Variants in ATG10 observed in about 807,000 individuals in gnomAD.
ATG10 encodes the protein autophagy related 10.
Under a neutral mutation model 32.1 loss-of-function variants are expected in ATG10, and 30 were observed. The observed-to-expected ratio is 0.94, with a 90% CI of 0.70 to 1.27. The LOEUF is 1.27. Ranked by LOEUF, ATG10 falls within the 50% of genes most tolerant of loss-of-function variation. The probability of loss-of-function intolerance (pLI) is 0.00; values close to 1 mark genes in which losing one functional copy is unlikely to be tolerated. For missense variants in ATG10, 233 were observed against 262.3 expected, an observed-to-expected ratio of 0.89 and a Z score of 0.77; for synonymous variants, 87 against 91.5, an observed-to-expected ratio of 0.95 and a Z score of 0.28.
At chr5:82,090,722 A>G (rs562564778) in intron 3 of ATG10, among the ~76,000 whole-genome samples, 1 of 152,306 alleles carries the variant, frequency 6.6e-6, no homozygotes, top group Admixed American at 6.5e-5. Flanking sequence ...TATCAGTGCA[A>G]ATCATCCTTG....
intron 5 of ATG10, among the ~76,000 whole-genome samples, chr5:82,229,630 A>G (rs1320636175): frequency 1.3e-5 from 2 of 152,358 alleles, no homozygotes; most frequent in East Asian, 1.9e-4. Context: ...TGCTATAGCC[A>G]TATTTTATAC....
intron 1 of ATG10, among the ~76,000 whole-genome samples, chr5:81,984,230 G>T (rs1761183682): frequency 6.6e-6 from 1 of 152,274 alleles, no homozygotes; most frequent in Non-Finnish European, 1.5e-5. Context: ...CTGGAGACCA[G>T]CCCGGCCAAC....
intron 1 of ATG10, among the ~76,000 whole-genome samples, chr5:81,974,639 A>G (rs1451015632): frequency 6.6e-6 from 1 of 152,072 alleles, no homozygotes. Flanking sequence ...TGGGGTCTCT[A>G]AGTTGCCCAG....
At chr5:82,011,279 C>T (rs1180789773) in intron 2 of ATG10, among the ~76,000 whole-genome samples, 1 of 152,158 alleles carries the variant, frequency 6.6e-6, no homozygotes, top group Middle Eastern at 3.2e-3. Context: ...TGCCTCAATA[C>T]ATATACTGAA....
intron 5 of ATG10, among the ~76,000 whole-genome samples, chr5:82,244,526 C>T (rs1240960807): frequency 6.6e-6 from 1 of 152,086 alleles, no homozygotes; most frequent in East Asian, 1.9e-4. Flanking sequence ...TTTTCCTTCC[C>T]CTGCTTGAGG....
chr5:82,196,967 A>G (rs775922072), intron 5 of ATG10, among the ~76,000 whole-genome samples: 1 of 152,316 alleles, frequency 6.6e-6, no homozygotes, highest in South Asian at 2.1e-4. Flanking sequence ...CACTGGAGCT[A>G]TACTTCAATT....
At chr5:81,998,612 A>C (rs533085245) in intron 2 of ATG10, among the ~76,000 whole-genome samples, 42 of 152,372 alleles carry the variant, frequency 2.8e-4, no homozygotes, top group African/African-American at 9.9e-4. Flanking sequence ...TAAAGAAGCA[A>C]GACCCAACTG....
At chr5:81,993,509 A>G (rs1000486900) in intron 2 of ATG10, among the ~76,000 whole-genome samples, 2 of 148,804 alleles carry the variant, frequency 1.3e-5, no homozygotes, top group Non-Finnish European at 3.0e-5. Flanking sequence ...GCTCACTGCA[A>G]CCTGTGCCTC....
intron 5 of ATG10, among the ~76,000 whole-genome samples, chr5:82,195,800 T>C (rs560412661): frequency 1.3e-5 from 2 of 152,346 alleles, no homozygotes; most frequent in African/African-American, 2.4e-5. Flanking sequence ...AACATTTTGG[T>C]TGTTTCTACT....
At chr5:82,045,509 C>G (rs1407143639) in intron 2 of ATG10, among the ~76,000 whole-genome samples, 1 of 152,108 alleles carries the variant, frequency 6.6e-6, no homozygotes, top group African/African-American at 2.4e-5. Flanking sequence ...TGCTTCTCCT[C>G]CTTCTGCTGT....
At position 82,164,424 on chromosome 5, in the gene ATG10, A is replaced by C. The variant is rs113989127; in HGVS notation, c.242A>C (p.Asp81Ala). Residue 81 changes from aspartate to alanine, a missense_variant, in exon 4 of 8, where the codon GAT (aspartate) becomes GCT (alanine). Physicochemically the swap from Asp to Ala is moderately radical, Grantham distance 126. Transcript: ENST00000282185. ...GAGGCTTTCGAGCTACCCTTGGATG[A>C]TTGTGAAGTGATTGAAACTGCAGCA... ...MEEAFELPLD[D>A]CEVIETAAAS... is the part of the protein sequence containing the mutation. 4 of 1,613,854 alleles carry C rather than the reference A, an allele frequency of 2.5e-6. No homozygotes were observed. The highest frequency in any genetic ancestry group is 4.5e-5 in the East Asian group (2 of 44,856).
chr5:82,094,222 G>A (rs1164566712), intron 3 of ATG10, among the ~76,000 whole-genome samples: 1 of 151,948 alleles, frequency 6.6e-6, no homozygotes, highest in Non-Finnish European at 1.5e-5. Flanking sequence ...CATATCTCAG[G>A]AATCACTGCC....
intron 5 of ATG10, among the ~76,000 whole-genome samples, chr5:82,226,477 T>C (rs1276182513): frequency 6.6e-6 from 1 of 152,228 alleles, no homozygotes; most frequent in Non-Finnish European, 1.5e-5. Context: ...CAAACAATCC[T>C]ATTACCAAAA....
chr5:82,166,617 C>G (rs1057025285), intron 4 of ATG10, among the ~76,000 whole-genome samples: 1 of 151,994 alleles, frequency 6.6e-6, no homozygotes, highest in Admixed American at 6.6e-5. Context: ...TTATTCCCCC[C>G]CCAGTCTTTT....
intron 5 of ATG10, among the ~76,000 whole-genome samples, chr5:82,249,224 G>A (rs1361465682): frequency 6.6e-6 from 1 of 151,880 alleles, no homozygotes; most frequent in Admixed American, 6.6e-5. Context: ...CATTAATTTG[G>A]TTTTAAACCT....
rs1434315899 is a variant in ATG10, at chr5:82,169,719, C to T, written c.355+5182C>T. Reference sequence around the variant, plus strand: ...CCAAGGTCATGATAATGAACCATAACATGAATTTTGGTGAATTAAAAAGAG... The same window carrying T: ...CCAAGGTCATGATAATGAACCATAATATGAATTTTGGTGAATTAAAAAGAG... On this transcript the variant is annotated intron_variant, in intron 4 of 7. Transcript: ENST00000282185. 8.5e-5 allele frequency among the ~76,000 whole-genome samples: 13 copies of T among 152,228 alleles called. No individual in the cohort carries two copies. The East Asian group carries it at 1.7e-3, about 20-fold the overall frequency.
intron 5 of ATG10, among the ~76,000 whole-genome samples, chr5:82,210,134 T>C (rs1169788744): frequency 6.6e-6 from 1 of 152,240 alleles, no homozygotes; most frequent in African/African-American, 2.4e-5. Context: ...GCATTGTTTC[T>C]ATTGTCTGTT....
At chr5:82,063,620 G>A (rs1763854787) in intron 3 of ATG10, among the ~76,000 whole-genome samples, 1 of 151,878 alleles carries the variant, frequency 6.6e-6, no homozygotes, top group Admixed American at 6.6e-5. Flanking sequence ...AGCCTCCCGA[G>A]TAGCTGGGAT....
intron 3 of ATG10, among the ~76,000 whole-genome samples, chr5:82,089,739 A>G (rs1188466645): frequency 6.6e-6 from 1 of 152,094 alleles, no homozygotes; most frequent in Admixed American, 6.5e-5. Context: ...AAAAAGAAAA[A>G]CTGATAAATT....
Sources: gnomAD v4.1 joint callset for allele counts (sites outside exome capture counted in the v4.1 genomes callset) on GRCh38, gnomAD v4.1.1 for gene constraint, MANE v1.5 for transcripts, NCBI Gene and HGNC (gene_info 2026-07-23, HGNC 2026-07-21) for gene names.